RARB: variants seen among roughly 807,000 people sequenced by gnomAD.
The protein encoded by RARB is retinoic acid receptor beta.
Under a neutral mutation model 51.9 loss-of-function variants are expected in RARB, and 17 were observed. The ratio of observed to expected loss-of-function variants is 0.33; its 90% CI spans 0.22 to 0.49. RARB has a LOEUF of 0.49. Among genes scored for constraint, RARB ranks in the 20% least tolerant of loss-of-function variants. The probability of loss-of-function intolerance (pLI) is 0.99; values close to 1 mark genes in which losing one functional copy is unlikely to be tolerated. For synonymous variants in RARB, 215 were observed against 195.4 expected, an observed-to-expected ratio of 1.10 and a Z score of -0.84; for missense variants, 369 against 550.8, an observed-to-expected ratio of 0.67 and a Z score of 3.30.
chr3:25,540,772 G>C (rs1699344380), intron 3 of RARB, among the ~76,000 whole-genome samples: 1 of 152,180 alleles, frequency 6.6e-6, no homozygotes, highest in South Asian at 2.1e-4. Flanking sequence ...TAATGAGCAT[G>C]TATGATTTTT....
At chr3:25,581,042 T>G (rs957090882) in intron 5 of RARB, among the ~76,000 whole-genome samples, 1 of 152,098 alleles carries the variant, frequency 6.6e-6, no homozygotes, top group Non-Finnish European at 1.5e-5. Flanking sequence ...TCATCACATA[T>G]GCTCTCAGGA....
At chr3:24,857,098 C>T (rs1251795240) in intron 1 of RARB, among the ~76,000 whole-genome samples, 3 of 152,252 alleles carry the variant, frequency 2.0e-5, no homozygotes, top group African/African-American at 7.2e-5. Context: ...TAATTACACT[C>T]ATCAGTAAGA....
chr3:25,435,086 C>T (rs1708376035), intron 1 of RARB, among the ~76,000 whole-genome samples: 1 of 152,134 alleles, frequency 6.6e-6, no homozygotes, highest in African/African-American at 2.4e-5. Flanking sequence ...TCTTAAAATT[C>T]ACAGATTCTC....
At chr3:25,027,529 C>T (rs1697773767) in intron 2 of RARB, among the ~76,000 whole-genome samples, 2 of 152,122 alleles carry the variant, frequency 1.3e-5, no homozygotes. Context: ...CTGTATAAGC[C>T]AGTTTGTGGG....
intron 5 of RARB, among the ~76,000 whole-genome samples, chr3:25,420,921 A>G (rs1273135964): frequency 6.7e-6 from 1 of 149,492 alleles, no homozygotes; most frequent in Non-Finnish European, 1.5e-5. Context: ...CTTCCATCTT[A>G]TGCAATACCT....
At chr3:25,578,040 A>G (rs1968481) in intron 4 of RARB, among the ~76,000 whole-genome samples, 7,288 of 152,128 alleles carry the variant, frequency 0.048, 206 homozygotes, top group Non-Finnish European at 0.068. Context: ...CCTCATACTC[A>G]CAGCAAGGGT....
chr3:24,962,230 C>G (rs993246583), intron 2 of RARB, among the ~76,000 whole-genome samples: 2 of 152,084 alleles, frequency 1.3e-5, no homozygotes, highest in African/African-American at 4.8e-5. Flanking sequence ...CGCCCGGCCC[C>G]TTTGGGTGTC....
At chr3:24,921,578 A>G (rs1695217203) in intron 2 of RARB, among the ~76,000 whole-genome samples, 1 of 151,894 alleles carries the variant, frequency 6.6e-6, no homozygotes, top group South Asian at 2.1e-4. Context: ...CTTCAGATCA[A>G]CCTTTCTTCT....
At chr3:25,424,510 C>A (rs1707937868), upstream of RARB, among the ~76,000 whole-genome samples, 1 of 152,158 alleles carries the variant, frequency 6.6e-6, no homozygotes, top group African/African-American at 2.4e-5. Context: ...GCCATTTATT[C>A]TTCTGGCAGA....
chr3:25,199,572 A>G (rs1345057930), intron 5 of RARB, among the ~76,000 whole-genome samples: 1 of 152,068 alleles, frequency 6.6e-6, no homozygotes, highest in African/African-American at 2.4e-5. Flanking sequence ...CATTTACATT[A>G]GGTATATTTC....
chr3:24,861,420 C>G (rs1702745074), intron 2 of RARB, among the ~76,000 whole-genome samples: 1 of 151,708 alleles, frequency 6.6e-6, no homozygotes, highest in South Asian at 2.1e-4. Context: ...AGGTGGTTCC[C>G]AAATGTCTTA....
chr3:25,035,703 C>T (rs1415705051), intron 2 of RARB, among the ~76,000 whole-genome samples: 3 of 152,138 alleles, frequency 2.0e-5, no homozygotes, highest in South Asian at 2.1e-4. Context: ...TGTACCCTAC[C>T]ATCTCTATTG....
intron 5 of RARB, among the ~76,000 whole-genome samples, chr3:25,180,654 C>T (rs375533663): frequency 6.6e-6 from 1 of 152,162 alleles, no homozygotes; most frequent in Admixed American, 6.5e-5. Flanking sequence ...TTGTCACTGA[C>T]GTGATGCAGC....
chr3:25,163,504 A>AAAAAAAAAAAAAAAAATATATATATATAT (rs1303712411), intron 4 of RARB, among the ~76,000 whole-genome samples: 2 of 131,124 alleles, frequency 1.5e-5, no homozygotes, highest in African/African-American at 6.4e-5. Context: ...CCTATCTCAA[A>AAAAAAAAAAAAAAAAATATATATATATAT]ATATATATAT....
chr3:25,383,666 G>A (rs575485975), intron 5 of RARB, among the ~76,000 whole-genome samples: 2 of 152,202 alleles, frequency 1.3e-5, no homozygotes, highest in Non-Finnish European at 2.9e-5. Context: ...GGTGGCTCAC[G>A]CCTGTAATCC....
At chr3:25,453,866 A>T (rs758013311) in intron 1 of RARB, among the ~76,000 whole-genome samples, 1 of 152,132 alleles carries the variant, frequency 6.6e-6, no homozygotes, top group Admixed American at 6.5e-5. Flanking sequence ...CTCCCTCTCT[A>T]GCCACCCCAA....
intron 2 of RARB, among the ~76,000 whole-genome samples, chr3:25,052,307 C>A (rs1390396652): frequency 2.0e-5 from 3 of 152,118 alleles, no homozygotes; most frequent in African/African-American, 7.2e-5. Flanking sequence ...CACCTAACTG[C>A]CTCCCAAATT....
chr3:24,839,343 G>T (rs982636200), intron 1 of RARB, among the ~76,000 whole-genome samples: 1 of 151,936 alleles, frequency 6.6e-6, no homozygotes, highest in Non-Finnish European at 1.5e-5. Context: ...TACTTTTTAG[G>T]TTTGGGTTTC....
chr3:24,996,906 A>T (rs1273459139), intron 2 of RARB, among the ~76,000 whole-genome samples: 1 of 152,110 alleles, frequency 6.6e-6, no homozygotes, highest in African/African-American at 2.4e-5. Flanking sequence ...TATTCCATGT[A>T]TTTATGAAAA....
Sources: allele counts gnomAD v4.1 joint callset (sites outside exome capture counted in the v4.1 genomes callset), GRCh38; gene constraint gnomAD v4.1.1; transcripts MANE v1.5; gene names NCBI Gene and HGNC (gene_info 2026-07-23, HGNC 2026-07-21).